Variants in RAB10 observed in about 807,000 individuals in gnomAD.
RAB10 encodes the protein RAB10, member RAS oncogene family.
In RAB10, 5 loss-of-function variants were observed where a neutral mutation model predicts 25.7. The observed-to-expected ratio is 0.19, with a 90% CI of 0.10 to 0.41. The LOEUF is 0.41. RAB10 is among the 10% of genes least tolerant of loss of function. The pLI, the probability that RAB10 is intolerant of heterozygous loss-of-function variation, is 1.00. For missense variants in RAB10, 103 were observed against 245.8 expected, an observed-to-expected ratio of 0.42 and a Z score of 3.89; for synonymous variants, 89 against 86.4, an observed-to-expected ratio of 1.03 and a Z score of -0.16.
chr2:26,134,794 A>T (rs1303182792), intron 5 of RAB10, 144 bp from the exon 6 acceptor site: 2 of 581,192 alleles, frequency 3.4e-6, no homozygotes, highest in Non-Finnish European at 5.8e-6. Flanking sequence ...CCAAATCTTT[A>T]CTTTGCACGG....
intron 3 of RAB10, among the ~76,000 whole-genome samples, chr2:26,118,420 T>G (rs1233471285): frequency 6.7e-6 from 1 of 148,150 alleles, no homozygotes; most frequent in Non-Finnish European, 1.5e-5. Context: ...AATAAGTGCT[T>G]TAAAAAAAAA....
Position 26,136,484 on chromosome 2 carries a change from G to T in RAB10, c.*1463G>T, listed in dbSNP as rs1342727572. On this transcript the variant is annotated 3_prime_UTR_variant, in exon 6 of 6. Transcript: ENST00000264710. ...GACAACGAAAGGCTTTTCATGTAAAGATAAGATCTTTAGCTATCTCTAACC... is the reference window on the plus strand; with the variant it reads ...GACAACGAAAGGCTTTTCATGTAAATATAAGATCTTTAGCTATCTCTAACC... The T allele has an allele frequency of 6.6e-6, 1 of 152,588 alleles. No individual in the cohort carries two copies. Among genetic ancestry groups the T allele is most frequent in the African/African-American group, 2.4e-5 (1 of 41,446 alleles). 9.5% of individuals were successfully genotyped at this position (152,588 alleles called of 1,614,324 possible).
chr2:26,059,347 T>A (rs775009778), intron 1 of RAB10, among the ~76,000 whole-genome samples: 1 of 152,248 alleles, frequency 6.6e-6, no homozygotes, highest in Non-Finnish European at 1.5e-5. Context: ...AAAGTTCTTA[T>A]GAAATTTTAT....
intron 1 of RAB10, among the ~76,000 whole-genome samples, chr2:26,069,926 C>T (rs1039465625): frequency 6.6e-6 from 1 of 152,092 alleles, no homozygotes; most frequent in African/African-American, 2.4e-5. Context: ...AGGCTGCTCT[C>T]GAGCTCCTGA....
chr2:26,049,815 GCC>G (rs1368251015), intron 1 of RAB10, among the ~76,000 whole-genome samples: 1 of 152,106 alleles, frequency 6.6e-6, no homozygotes, highest in African/African-American at 2.4e-5. Context: ...TAGTTAAGTA[GCC>G]TACTATATTT....
chr2:26,134,753 A>G (rs144008316), intron 5 of RAB10, among the ~76,000 whole-genome samples, 185 bp from the exon 6 acceptor site: 98 of 152,372 alleles, frequency 6.4e-4, no homozygotes, highest in African/African-American at 1.9e-3. Context: ...GCTTGGAGGA[A>G]GCAGGCAAAA....
intron 1 of RAB10, among the ~76,000 whole-genome samples, chr2:26,046,737 T>G (rs1038546386): frequency 6.6e-6 from 1 of 152,120 alleles, no homozygotes; most frequent in African/African-American, 2.4e-5. Flanking sequence ...GTGTTTCACA[T>G]ACGACCCAGA....
At chr2:26,097,487 A>G (rs1667247272) in intron 1 of RAB10, among the ~76,000 whole-genome samples, 1 of 152,168 alleles carries the variant, frequency 6.6e-6, no homozygotes, top group South Asian at 2.1e-4. Context: ...CACATTAGCC[A>G]GACTGGTCTC....
intron 1 of RAB10, among the ~76,000 whole-genome samples, chr2:26,061,068 A>ATTTT: frequency 7.7e-6 from 1 of 130,270 alleles, no homozygotes; most frequent in Middle Eastern, 4.6e-3. Flanking sequence ...TCAGTTGAAA[A>ATTTT]TTTTTTTTTC....
At chr2:26,122,256 C>T (rs975777881) in intron 3 of RAB10, among the ~76,000 whole-genome samples, 3 of 152,192 alleles carry the variant, frequency 2.0e-5, no homozygotes, top group African/African-American at 7.2e-5. Flanking sequence ...GGTGTGAAAC[C>T]TTGCACTTTT....
At chr2:26,126,316 G>T (rs1486673272) in intron 3 of RAB10, among the ~76,000 whole-genome samples, 1 of 152,158 alleles carries the variant, frequency 6.6e-6, no homozygotes, top group Non-Finnish European at 1.5e-5. Flanking sequence ...AGTGGCTCAT[G>T]CCTGTAATCC....
At chr2:26,057,448 A>AG (rs58210774) in intron 1 of RAB10, among the ~76,000 whole-genome samples, 4,179 of 151,748 alleles carry the variant, frequency 0.028, 197 homozygotes, top group African/African-American at 0.097. Flanking sequence ...AAAAAAAAAA[A>AG]TTAAAAAATA....
intron 3 of RAB10, among the ~76,000 whole-genome samples, chr2:26,113,090 G>C: frequency 6.6e-6 from 1 of 151,970 alleles, no homozygotes; most frequent in East Asian, 1.9e-4. Context: ...GTCTCAAAAA[G>C]AAAGAAAGAG....
chr2:26,073,909 C>T (rs1365515375), intron 1 of RAB10, among the ~76,000 whole-genome samples: 1 of 152,142 alleles, frequency 6.6e-6, no homozygotes, highest in Non-Finnish European at 1.5e-5. Context: ...AGGGAGATTA[C>T]AATGGGTACA....
chr2:26,036,678 G>A (rs1407521272), intron 1 of RAB10, among the ~76,000 whole-genome samples: 1 of 151,904 alleles, frequency 6.6e-6, no homozygotes. Context: ...ATAAATAAAT[G>A]AAGTCTGAAG....
At chr2:26,110,317 AACAGAGCAAG>A (rs1342594574) in intron 3 of RAB10, among the ~76,000 whole-genome samples, 2 of 149,636 alleles carry the variant, frequency 1.3e-5, no homozygotes, top group Admixed American at 1.3e-4. Context: ...CAGCCTGGGC[AACAGAGCAAG>A]ACTCCGTCTC....
At chr2:26,062,679 AAAATAAAT>A (rs10659551) in intron 1 of RAB10, among the ~76,000 whole-genome samples, 6 of 148,500 alleles carry the variant, frequency 4.0e-5, no homozygotes, top group Non-Finnish European at 7.5e-5. Flanking sequence ...CTCTGTCTCA[AAAATAAAT>A]AAATAAATAA....
chr2:26,080,732 A>G (rs981341088), intron 1 of RAB10, among the ~76,000 whole-genome samples: 3 of 152,132 alleles, frequency 2.0e-5, no homozygotes, highest in South Asian at 2.1e-4. Context: ...GTTGTTGCCC[A>G]GGCTGGTCTC....
At chr2:26,127,598 G>A (rs1259779897) in intron 4 of RAB10, among the ~76,000 whole-genome samples, 1 of 152,176 alleles carries the variant, frequency 6.6e-6, no homozygotes, top group Non-Finnish European at 1.5e-5. Context: ...GAGGAGTCAG[G>A]TTGAGCTTCT....
Sources: gnomAD v4.1 joint callset for allele counts (sites outside exome capture counted in the v4.1 genomes callset) on GRCh38, gnomAD v4.1.1 for gene constraint, MANE v1.5 for transcripts, NCBI Gene and HGNC (gene_info 2026-07-23, HGNC 2026-07-21) for gene names.